Variants in USP45 observed in about 807,000 individuals in gnomAD.
The protein encoded by USP45 is ubiquitin carboxyl-terminal hydrolase 45.
USP45 carries 89 observed loss-of-function variants against 95.8 expected under a neutral mutation model. The observed-to-expected ratio is 0.93, with a 90% CI of 0.78 to 1.11. The LOEUF (loss-of-function observed/expected upper bound fraction) is 1.11. Among genes scored for constraint, USP45 ranks in the 50% least tolerant of loss-of-function variants. USP45 has a pLI of 0.00. For synonymous variants in USP45, 281 were observed against 316.2 expected (o/e 0.89, Z 1.18); for missense variants, 898 against 942.5 (o/e 0.95, Z 0.62).
At chr6:99,505,805 C>T (rs1309314075) in intron 4 of USP45, among the ~76,000 whole-genome samples, 1 of 152,130 alleles carries the variant, frequency 6.6e-6, no homozygotes, top group African/African-American at 2.4e-5. Flanking sequence ...TCTCTGGCTC[C>T]TCCACCCCAG....
chr6:99,449,388 G>A lies in USP45; in HGVS notation c.1309-2925C>T, dbSNP rs186764688. Among the ~76,000 whole-genome samples the A allele has an allele frequency of 1.1e-4, 17 of 152,228 alleles. No homozygotes were observed. In the East Asian group the frequency reaches 3.3e-3, roughly 29 times the overall value. On this transcript the variant is annotated intron_variant, in intron 13 of 17. Transcript: ENST00000500704. ...TGCAATCTTAGTCTCTGATAAAACA[G>A]GCTTTAAAACAACAAAGATCAAAAG...
chr6:99,514,461 A>G (rs1800673368), intron 1 of USP45, among the ~76,000 whole-genome samples: 1 of 152,220 alleles, frequency 6.6e-6, no homozygotes, highest in Non-Finnish European at 1.5e-5. Flanking sequence ...CTTTCTAAGG[A>G]TAGCAGTCTT....
chr6:99,504,095 C>T (rs776624817), intron 4 of USP45, among the ~76,000 whole-genome samples: 39 of 152,090 alleles, frequency 2.6e-4, no homozygotes, highest in Admixed American at 5.2e-4. Context: ...TGAAATGCCA[C>T]GAGAGGGTTT....
Position 99,443,681 on chromosome 6 carries a change from A to T in USP45, c.1976-19T>A. On this transcript the variant is annotated intron_variant, in intron 14 of 17. Coordinates refer to ENST00000500704, the MANE Select transcript of USP45 (RefSeq NM_001346022.3). ...TTCTTTTCTACATAAAATACAATAA[A>T]TTTATTTATAAAATTCCATTTTATA... 1 of 1,446,014 alleles carries T rather than the reference A, an allele frequency of 6.9e-7. No homozygotes were observed. The highest frequency in any genetic ancestry group is 9.3e-7 in the Non-Finnish European group (1 of 1,073,542). The allele number at this position is 1,446,014 out of a possible 1,614,324, so 89.6% of individuals were successfully genotyped here.
chr6:99,510,173 T>G lies in USP45; in HGVS notation c.48A>C (p.Arg16Ser), dbSNP rs559753171. Residue 16 changes from arginine (R) to serine (S), a missense_variant, in exon 2 of 18, where the codon AGA becomes AGC. Physicochemically the swap from Arg to Ser is moderately radical, Grantham distance 110 (BLOSUM62 -1). Coordinates refer to ENST00000500704, the MANE Select transcript of USP45 (RefSeq NM_001346022.3). Reference sequence around the variant, plus strand: ...CATGAGGTACAGTAGGCCTTTTACTTCTTTTGGCTTTCTCAGGTAAAGCTT... The same window carrying G: ...CATGAGGTACAGTAGGCCTTTTACTGCTTTTGGCTTTCTCAGGTAAAGCTT... ...PTKALPEKAK[R>S]SKRPTVPHDE... The G allele has an allele frequency of 6.2e-7, 1 of 1,614,072 alleles. No individual in the cohort carries two copies. Among genetic ancestry groups the G allele is most frequent in the East Asian group, 2.2e-5 (1 of 44,882 alleles).
At position 99,482,861 on chromosome 6, in the gene USP45, G is replaced by A. The variant is rs1176154065; in HGVS notation, c.737C>T (p.Ser246Leu). The A allele has an allele frequency of 3.3e-5, 52 of 1,562,178 alleles. No individual in the cohort carries two copies. Among genetic ancestry groups the A allele is most frequent in the Non-Finnish European group, 4.3e-5 (50 of 1,156,078 alleles). The change falls in exon 8 of 18, where the codon TCA becomes TTA. Residue 246 changes from serine to leucine, a missense_variant. Physicochemically the swap from Ser to Leu is moderately radical, Grantham distance 145. Coordinates refer to ENST00000500704, the MANE Select transcript of USP45 (RefSeq NM_001346022.3). Reference protein sequence around the residue: ...SQLDPLVVELSRPGPLTSALF... With the variant: ...SQLDPLVVELLRPGPLTSALF... ...GGCTGAGGTCAGTGGTCCAGGCCTT[G>A]AAAGTTCCACCACCAATGGGTCCTT...
intron 15 of USP45, among the ~76,000 whole-genome samples, chr6:99,443,130 T>C (rs1781834703): frequency 1.3e-5 from 2 of 151,934 alleles, no homozygotes; most frequent in Admixed American, 6.6e-5. Context: ...GGCAGGAGAA[T>C]TGCTTAAACC....
At chr6:99,447,084 CAAATT>C (rs61500753) in intron 13 of USP45, among the ~76,000 whole-genome samples, 45,994 of 151,630 alleles carry the variant, frequency 0.3, 7,198 homozygotes, top group Middle Eastern at 0.39. Flanking sequence ...GTTTTTTAAA[CAAATT>C]AAAAAGTAAC....
Position 99,488,249 on chromosome 6 carries a change from T to C in USP45, c.665A>G (p.Lys222Arg). Reference protein sequence around the residue: ...YTLTDLMNEIKESSTKLKIFP... With the variant: ...YTLTDLMNEIRESSTKLKIFP... ...AATCTTGAGTTTTGTACTACTTTCT[T>C]TGATCTCATTCATCAGATCAGTAAG... is the stretch of plus-strand genomic sequence containing the variant. The change falls in exon 7 of 18, where the codon AAA becomes AGA. Residue 222 changes from lysine to arginine, a missense_variant. By Grantham distance (26) the Lys-to-Arg change is conservative. Coordinates refer to ENST00000500704, the MANE Select transcript of USP45 (RefSeq NM_001346022.3). 1 of 1,612,746 alleles carries C rather than the reference T, an allele frequency of 6.2e-7. No individual in the cohort carries two copies. The highest frequency in any genetic ancestry group is 8.5e-7 in the Non-Finnish European group (1 of 1,179,602).
intron 13 of USP45, among the ~76,000 whole-genome samples, chr6:99,451,740 G>A (rs529181588): frequency 2.0e-5 from 3 of 152,284 alleles, no homozygotes; most frequent in African/African-American, 7.2e-5. Flanking sequence ...TAAGCCAAAA[G>A]AACAAAGCTG....
chr6:99,442,719 C>G (rs1781753077), intron 15 of USP45, among the ~76,000 whole-genome samples: 1 of 151,606 alleles, frequency 6.6e-6, no homozygotes, highest in Admixed American at 6.6e-5. Context: ...TGGTGGCACA[C>G]ACCTGTAATC....
At chr6:99,499,273 C>T (rs753627333) in intron 5 of USP45, among the ~76,000 whole-genome samples, 39 of 152,090 alleles carry the variant, frequency 2.6e-4, no homozygotes, top group Non-Finnish European at 4.7e-4. Flanking sequence ...TCATACTTAT[C>T]CTCTCACCCA....
At chr6:99,475,352 C>T (rs1041096503) in intron 9 of USP45, among the ~76,000 whole-genome samples, 30 of 146,968 alleles carry the variant, frequency 2.0e-4, no homozygotes, top group Admixed American at 4.8e-4. Flanking sequence ...CGTTTCACTC[C>T]GTCACCCAGG....
chr6:99,451,391 T>C lies in USP45; in HGVS notation c.1309-4928A>G, dbSNP rs574407923. 2.1e-4 allele frequency among the ~76,000 whole-genome samples: 32 copies of C among 151,004 alleles called. 1 individual carries two copies. In the South Asian group the frequency reaches 5.8e-3, roughly 28 times the overall value. On this transcript the variant is annotated intron_variant, in intron 13 of 17. Coordinates refer to ENST00000500704, the MANE Select transcript of USP45 (RefSeq NM_001346022.3). ...CACAAGCATTCTTATACACCAATAATAGACAGAGAGCCAAATCATGAGTGA... is the reference window on the plus strand; with the variant it reads ...CACAAGCATTCTTATACACCAATAACAGACAGAGAGCCAAATCATGAGTGA...
At chr6:99,487,939 T>C (rs891416374) in intron 7 of USP45, among the ~76,000 whole-genome samples, 1 of 152,242 alleles carries the variant, frequency 6.6e-6, no homozygotes, top group African/African-American at 2.4e-5. Flanking sequence ...CACACCTCTT[T>C]TGTTTCTTCC....
At chr6:99,516,942 GA>G (rs922622331), upstream of USP45, among the ~76,000 whole-genome samples, 5 of 151,888 alleles carry the variant, frequency 3.3e-5, no homozygotes, top group Non-Finnish European at 7.4e-5. Flanking sequence ...TTCTTCATAA[GA>G]AAAAAATTAG....
At chr6:99,477,774 T>A (rs924423735) in intron 8 of USP45, among the ~76,000 whole-genome samples, 2 of 152,184 alleles carry the variant, frequency 1.3e-5, no homozygotes, top group Admixed American at 1.3e-4. Flanking sequence ...TAGCAGCACA[T>A]AGCAACATGC....
intron 1 of USP45, among the ~76,000 whole-genome samples, chr6:99,514,166 A>G (rs1800571465): frequency 6.6e-6 from 1 of 152,232 alleles, no homozygotes; most frequent in African/African-American, 2.4e-5. Context: ...TACACAATGC[A>G]GTATGGATAT....
At chr6:99,502,398 C>G (rs1010697800) in intron 5 of USP45, among the ~76,000 whole-genome samples, 7 of 152,122 alleles carry the variant, frequency 4.6e-5, no homozygotes, top group African/African-American at 1.7e-4. Context: ...TATCACTGAA[C>G]CTGAAGAAAT....
Sources: allele counts gnomAD v4.1 joint callset (sites outside exome capture counted in the v4.1 genomes callset), GRCh38; gene constraint gnomAD v4.1.1; transcripts MANE v1.5; gene names NCBI Gene and HGNC (gene_info 2026-07-23, HGNC 2026-07-21).